FMNL2: variants seen among roughly 807,000 people sequenced by gnomAD.
FMNL2 encodes the protein formin-like protein 2.
A neutral mutation model predicts 130.2 loss-of-function variants in FMNL2; 51 were observed. The observed-to-expected ratio is 0.39, with a 90% CI of 0.31 to 0.49. The LOEUF is 0.49. Among genes scored for constraint, FMNL2 ranks in the 20% least tolerant of loss-of-function variants. FMNL2 has a pLI of 0.85. For synonymous variants in FMNL2, 465 were observed against 467.1 expected (o/e 1.00, Z 0.06); for missense variants, 977 against 1,316.2 (o/e 0.74, Z 3.99).
chr2:152,440,063 C>T (rs777441665), intron 1 of FMNL2, among the ~76,000 whole-genome samples: 1 of 151,844 alleles, frequency 6.6e-6, no homozygotes, highest in Non-Finnish European at 1.5e-5. Flanking sequence ...CGTGAAACCC[C>T]TTTGGATCAG....
At chr2:152,476,325 T>A (rs1388542540) in intron 1 of FMNL2, among the ~76,000 whole-genome samples, 1 of 152,230 alleles carries the variant, frequency 6.6e-6, no homozygotes, top group Non-Finnish European at 1.5e-5. Flanking sequence ...CTTTAACCAT[T>A]TATGTTTGGT....
At chr2:152,538,934 G>A (rs1215511446) in intron 2 of FMNL2, among the ~76,000 whole-genome samples, 1 of 152,084 alleles carries the variant, frequency 6.6e-6, no homozygotes, top group Non-Finnish European at 1.5e-5. Context: ...GATGGATTAT[G>A]GGCATCCTAT....
chr2:152,568,228 T>TTTTTGTTTTGTTTTTGTTTTG (rs77676399), intron 6 of FMNL2, among the ~76,000 whole-genome samples: 2 of 144,640 alleles, frequency 1.4e-5, no homozygotes, highest in Non-Finnish European at 3.1e-5. Context: ...GTTTTTTTTT[T>TTTTTGTTTTGTTTTTGTTTTG]TTTTTGAGAC....
At chr2:152,639,868 C>T in intron 23 of FMNL2, 90 bp from the exon 24 acceptor site, 2 of 1,103,374 alleles carry the variant, frequency 1.8e-6, no homozygotes. Flanking sequence ...ATTCTCAACT[C>T]ACTAAGGATG....
At chr2:152,619,984 C>T (rs544100820) in intron 15 of FMNL2, among the ~76,000 whole-genome samples, 3 of 152,030 alleles carry the variant, frequency 2.0e-5, no homozygotes, top group Non-Finnish European at 4.4e-5. Context: ...CTGGCCCCAC[C>T]GAGAGAATGG....
At chr2:152,558,934 C>G (rs1016212971) in intron 5 of FMNL2, 111 bp downstream of exon 5, 5 of 953,898 alleles carry the variant, frequency 5.2e-6, no homozygotes, top group Non-Finnish European at 8.0e-6. Context: ...AGCAGATGTG[C>G]TAGGGCTTAG....
intron 1 of FMNL2, among the ~76,000 whole-genome samples, chr2:152,481,219 A>C (rs1194571883): frequency 6.6e-6 from 1 of 152,242 alleles, no homozygotes; most frequent in Non-Finnish European, 1.5e-5. Context: ...GAGATAAAAC[A>C]TGTCTAGTGA....
intron 1 of FMNL2, among the ~76,000 whole-genome samples, chr2:152,512,085 C>T (rs1313035921): frequency 1.3e-5 from 2 of 152,150 alleles, no homozygotes; most frequent in African/African-American, 4.8e-5. Context: ...AATCATTGCC[C>T]ATGAAGGAGT....
Position 152,469,882 on chromosome 2 carries a change from G to T in FMNL2, c.118-52061G>T, listed in dbSNP as rs1689762975. Among the ~76,000 whole-genome samples, 2 of 152,162 alleles carry T rather than the reference G, an allele frequency of 1.3e-5. 1 individual carries two copies. The highest frequency in any genetic ancestry group is 4.1e-4 in the South Asian group (2 of 4,822). On this transcript the variant is annotated intron_variant, in intron 1 of 25. Coordinates refer to ENST00000288670, the MANE Select transcript of FMNL2 (RefSeq NM_052905.4). ...TAGAGAAACACAGTAATTCTATGGTGTGCCGTATTTGGCTGTATACTGCAT... is the reference window on the plus strand; with the variant it reads ...TAGAGAAACACAGTAATTCTATGGTTTGCCGTATTTGGCTGTATACTGCAT...
At position 152,629,914 on chromosome 2, in the gene FMNL2, A is replaced by T. The variant is rs1682051366; in HGVS notation, c.2550+9A>T. ...TTCAGAGTTTAGATCTGGTGAGTGG[A>T]CTAAAAGAAATTTGAGAGCTGTTTG... On this transcript the variant is annotated intron_variant, in intron 20 of 25. Coordinates refer to ENST00000288670, the MANE Select transcript of FMNL2 (RefSeq NM_052905.4). 4 of 1,597,204 alleles carry T rather than the reference A, an allele frequency of 2.5e-6. No individual in the cohort carries two copies. The highest frequency in any genetic ancestry group is 3.4e-6 in the Non-Finnish European group (4 of 1,171,322).
At chr2:152,370,084 T>C (rs1192627554) in intron 1 of FMNL2, among the ~76,000 whole-genome samples, 1 of 152,200 alleles carries the variant, frequency 6.6e-6, no homozygotes, top group East Asian at 1.9e-4. Context: ...TTTGTGAACA[T>C]GTAGTTATGG....
chr2:152,493,181 T>A (rs1272495618), intron 1 of FMNL2, among the ~76,000 whole-genome samples: 2 of 152,210 alleles, frequency 1.3e-5, no homozygotes. Flanking sequence ...AAGCAAGAGA[T>A]TCTTATGCAA....
chr2:152,537,102 C>T (rs1272190959), intron 2 of FMNL2, among the ~76,000 whole-genome samples: 1 of 152,132 alleles, frequency 6.6e-6, no homozygotes, highest in Non-Finnish European at 1.5e-5. Flanking sequence ...ACCAAAGAAA[C>T]AGTTCAGCTT....
Position 152,392,835 on chromosome 2 carries a change from C to T in FMNL2, c.117+57115C>T, listed in dbSNP as rs13004473. Among the ~76,000 whole-genome samples the T allele has an allele frequency of 3.3e-5, 5 of 152,222 alleles. No homozygotes were observed. In the East Asian group the frequency reaches 9.6e-4, roughly 29 times the overall value. ...AGATGGATCCTCCAGGCTTCCTTGC[C>T]CTCTGGCTTCTAACTGGATTGGCCA... On this transcript the variant is annotated intron_variant, in intron 1 of 25. Coordinates refer to ENST00000288670, the MANE Select transcript of FMNL2 (RefSeq NM_052905.4).
chr2:152,647,861 G>T lies in FMNL2; in HGVS notation c.3235G>T (p.Asp1079Tyr). ...VRRSVRRRFD[D>Y]QNLRSVNGAE... Reference sequence around the variant, plus strand: ...GAGAAGCGTCAGGCGGCGCTTTGATGATCAGAACTTGCGTTCTGTTAATGG... The same window carrying T: ...GAGAAGCGTCAGGCGGCGCTTTGATTATCAGAACTTGCGTTCTGTTAATGG... Residue 1079 changes from aspartate to tyrosine, a missense_variant, in exon 26 of 26, where the codon GAT becomes TAT. Physicochemically the swap from Asp to Tyr is radical, Grantham distance 160. This residue lies in a region of FMNL2 where 168 missense variants were observed against 168.8 expected (regional missense o/e 1.00). Coordinates refer to ENST00000288670, the MANE Select transcript of FMNL2 (RefSeq NM_052905.4). 1 of 1,613,896 alleles carries T rather than the reference G, an allele frequency of 6.2e-7. No homozygotes were observed. Among genetic ancestry groups the T allele is most frequent in the Non-Finnish European group, 8.5e-7 (1 of 1,179,834 alleles).
chr2:152,496,696 A>G (rs906291782), intron 1 of FMNL2, among the ~76,000 whole-genome samples: 1 of 152,100 alleles, frequency 6.6e-6, no homozygotes, highest in Non-Finnish European at 1.5e-5. Context: ...CTTATTATTT[A>G]TTCAGTTATT....
chr2:152,373,579 G>A (rs554115980), intron 1 of FMNL2, among the ~76,000 whole-genome samples: 3 of 152,088 alleles, frequency 2.0e-5, no homozygotes, highest in Admixed American at 1.3e-4. Context: ...ATGCACATCC[G>A]CCCTTATACT....
At chr2:152,361,359 C>A (rs954805044) in intron 1 of FMNL2, among the ~76,000 whole-genome samples, 4 of 152,066 alleles carry the variant, frequency 2.6e-5, no homozygotes, top group Non-Finnish European at 5.9e-5. Flanking sequence ...CACAGGGCAG[C>A]CTTTTGGGGT....
At chr2:152,606,673 A>C (rs1460683566) in intron 9 of FMNL2, among the ~76,000 whole-genome samples, 1 of 88,164 alleles carries the variant, frequency 1.1e-5, no homozygotes, top group African/African-American at 4.3e-5. Flanking sequence ...ATTTTATTTC[A>C]TGTATATGCA....
Sources: gnomAD v4.1 joint callset for allele counts (sites outside exome capture counted in the v4.1 genomes callset) on GRCh38, gnomAD v4.1.1 for gene constraint, gnomAD v4.1.1 regional missense constraint, MANE v1.5 for transcripts, NCBI Gene and HGNC (gene_info 2026-07-23, HGNC 2026-07-21) for gene names.